Variants in GALNT12 observed in about 807,000 individuals in gnomAD.
The protein encoded by GALNT12 is UDP-GalNAc:polypeptide N-acetylgalactosaminyltransferase 12.
In GALNT12, 45 loss-of-function variants were observed where a neutral mutation model predicts 55.5. That is an observed-to-expected ratio of 0.81 (90% CI 0.64 to 1.04). The LOEUF (loss-of-function observed/expected upper bound fraction) is 1.04. GALNT12 is among the 50% of genes least tolerant of loss of function. The pLI is 0.00. For synonymous variants in GALNT12, 304 were observed against 312.2 expected (o/e 0.97, Z 0.28); for missense variants, 709 against 754.8 (o/e 0.94, Z 0.71).
At position 98,844,341 on chromosome 9, in the gene GALNT12, A is replaced by G. The variant is rs1027057088; in HGVS notation, c.1458+132A>G. The G allele has an allele frequency of 5.9e-6, 4 of 683,162 alleles. No individual in the cohort carries two copies. In the Admixed American group the frequency reaches 7.3e-5, roughly 12 times the overall value. 42.3% of individuals were successfully genotyped at this position (683,162 alleles called of 1,614,324 possible). The stretch of plus-strand genomic sequence containing the variant: ...AAGCCTAGGGTGGCCAGACTCAGAG[A>G]GACCACTGTTAAAATTAAAATGTGT... On this transcript the variant is annotated intron_variant, in intron 8 of 9. Transcript: ENST00000375011.
At position 98,846,009 on chromosome 9, in the gene GALNT12, C is replaced by T. The variant is rs765327993; in HGVS notation, c.1491C>T (p.Arg497=). 19 of 1,614,058 alleles carry T rather than the reference C, an allele frequency of 1.2e-5. No individual in the cohort carries two copies. In the East Asian group the frequency reaches 4.2e-4, roughly 36 times the overall value. ...FFEYTSQKEI[R]YNTHQPEGCI... is the part of the protein sequence containing the mutation. ...AGTACACGTCCCAGAAAGAAATACG[C>T]TATAACACCCACCAGCCTGAGGGCT... Residue 497 remains arginine, a synonymous_variant, in exon 9 of 10, where the codon CGC becomes CGT. Coordinates refer to ENST00000375011, the MANE Select transcript of GALNT12 (RefSeq NM_024642.5).
rs569683788 is a variant in GALNT12 at position 98,829,058 on chromosome 9, A to AACCTC, written c.731+2119_731+2123dup. On this transcript the variant is annotated intron_variant, in intron 3 of 9. Coordinates refer to ENST00000375011, the MANE Select transcript of GALNT12 (RefSeq NM_024642.5). ...TTGGCCAGGCTGGTCTCGAACTCCT[A>AACCTC]ACCTCAGTGATCCACCCACCTCAGC... Among the ~76,000 whole-genome samples the AACCTC allele has an allele frequency of 2.3e-3, 349 of 150,600 alleles. 3 individuals are homozygous for AACCTC. The highest frequency in any genetic ancestry group is 0.017 in the Admixed American group (255 of 15,166).
intron 1 of GALNT12, among the ~76,000 whole-genome samples, chr9:98,809,591 A>G (rs1207324517): frequency 1.3e-5 from 2 of 152,232 alleles, no homozygotes; most frequent in Admixed American, 6.5e-5. Context: ...GTGAGTCTCC[A>G]TGCATTCTAC....
At chr9:98,820,967 A>G (rs974520040) in intron 1 of GALNT12, among the ~76,000 whole-genome samples, 12 of 152,196 alleles carry the variant, frequency 7.9e-5, no homozygotes, top group African/African-American at 2.9e-4. Flanking sequence ...TTAGAGACAC[A>G]TATCGAACTA....
Position 98,849,128 on chromosome 9 carries a change from G to C in GALNT12, c.*36G>C. ...ATCAAGGAGCCCATCGAAGGAGACTGTGGAGCCAGGACTCTGCCCAACAAA... is the reference window on the plus strand; with the variant it reads ...ATCAAGGAGCCCATCGAAGGAGACTCTGGAGCCAGGACTCTGCCCAACAAA... On this transcript the variant is annotated 3_prime_UTR_variant, in exon 10 of 10. Transcript: ENST00000375011. The C allele has an allele frequency of 6.2e-7, 1 of 1,611,996 alleles. No individual in the cohort carries two copies. Among genetic ancestry groups the C allele is most frequent in the Non-Finnish European group, 8.5e-7 (1 of 1,178,336 alleles).
intron 3 of GALNT12, among the ~76,000 whole-genome samples, chr9:98,830,200 T>C (rs1254703696): frequency 6.6e-6 from 1 of 152,134 alleles, no homozygotes; most frequent in African/African-American, 2.4e-5. Flanking sequence ...TTTCAAAAGC[T>C]CCCCAGGGGA....
rs563887200 is a variant in GALNT12 at position 98,845,779 on chromosome 9, C to T, written c.1459-198C>T. Among the ~76,000 whole-genome samples the T allele has an allele frequency of 1.5e-3, 235 of 152,246 alleles. 3 individuals carry two copies. The highest frequency in any genetic ancestry group is 4.8e-3 in the African/African-American group (201 of 41,542). Reference sequence around the variant, plus strand: ...GGCATGGGAAGGGCCATTTCCTCCACGCTCATGAAGCACTGCAGTAGCGGT... The same window carrying T: ...GGCATGGGAAGGGCCATTTCCTCCATGCTCATGAAGCACTGCAGTAGCGGT... On this transcript the variant is annotated intron_variant, in intron 8 of 9. Transcript: ENST00000375011.
rs34942139 is a variant in GALNT12 at position 98,811,683 on chromosome 9, C to CTT, written c.371+3630_371+3631dup. 5.0e-3 allele frequency among the ~76,000 whole-genome samples: 661 copies of CTT among 131,988 alleles called. 12 individuals are homozygous for CTT. Among genetic ancestry groups the CTT allele is most frequent in the African/African-American group, 7.7e-3 (274 of 35,370 alleles). 86.6% of individuals were successfully genotyped at this position (131,988 alleles called of 152,430 possible). A position where few individuals can be genotyped will look rare whatever the true frequency, so the allele number is the denominator to read the frequency against. The stretch of plus-strand genomic sequence containing the variant: ...GATGGCAAAGAGTCTCGAAGTCGTT[C>CTT]TTTTTTTTTTTTTTTTTGAGATGGA... On this transcript the variant is annotated intron_variant, in intron 1 of 9. Transcript: ENST00000375011.
intron 1 of GALNT12, among the ~76,000 whole-genome samples, chr9:98,820,415 A>G (rs533525291): frequency 2.0e-5 from 3 of 152,316 alleles, no homozygotes; most frequent in South Asian, 2.1e-4. Context: ...GTCCTTGCAA[A>G]GGACATAATC....
intron 6 of GALNT12, among the ~76,000 whole-genome samples, chr9:98,838,141 C>T (rs1349503597): frequency 6.6e-6 from 1 of 152,162 alleles, no homozygotes; most frequent in African/African-American, 2.4e-5. Flanking sequence ...GGTCTGTTAC[C>T]TCCCTCTAGA....
intron 1 of GALNT12, among the ~76,000 whole-genome samples, chr9:98,808,983 G>C (rs1425297508): frequency 6.6e-6 from 1 of 152,210 alleles, no homozygotes; most frequent in Non-Finnish European, 1.5e-5. Flanking sequence ...CCTGCCGTGT[G>C]CACCAGGCAC....
rs1835625592 is a variant in GALNT12, at chr9:98,816,911, G to A, written c.372-6345G>A. On this transcript the variant is annotated intron_variant, in intron 1 of 9. Coordinates refer to ENST00000375011, the MANE Select transcript of GALNT12 (RefSeq NM_024642.5). ...CTGATCTCGGCTCACTGCAAGCTCTGCCTTCCGGGTTCATGCCATTCTCCT... is the reference window on the plus strand; with the variant it reads ...CTGATCTCGGCTCACTGCAAGCTCTACCTTCCGGGTTCATGCCATTCTCCT... 3.4e-5 allele frequency among the ~76,000 whole-genome samples: 5 copies of A among 146,476 alleles called. No homozygotes were observed. The Admixed American group carries it at 3.5e-4, about 10-fold the overall frequency.
At chr9:98,825,085 G>A in intron 2 of GALNT12, among the ~76,000 whole-genome samples, 1 of 152,222 alleles carries the variant, frequency 6.6e-6, no homozygotes. Flanking sequence ...AGCATTGAAT[G>A]AGATGAGGAG....
At chr9:98,843,446 G>T (rs899765912) in intron 7 of GALNT12, among the ~76,000 whole-genome samples, 1 of 147,446 alleles carries the variant, frequency 6.8e-6, no homozygotes, top group African/African-American at 2.5e-5. Context: ...TTGCCTTATT[G>T]CCCAGGCTGG....
chr9:98,823,449 G>A (rs779388117), intron 2 of GALNT12, 24 bp downstream of exon 2: 5 of 1,602,810 alleles, frequency 3.1e-6, no homozygotes. Flanking sequence ...AGGGCTCTGG[G>A]AAGAGCCTGT....
intron 2 of GALNT12, among the ~76,000 whole-genome samples, chr9:98,823,672 A>G (rs1835797900): frequency 2.0e-5 from 3 of 152,248 alleles, no homozygotes; most frequent in Admixed American, 2.0e-4. Flanking sequence ...GTGATGTAGG[A>G]GGTGAGGTTG....
At chr9:98,811,683 CT>C (rs34942139) in intron 1 of GALNT12, among the ~76,000 whole-genome samples, 252 of 132,002 alleles carry the variant, frequency 1.9e-3, no homozygotes, top group Middle Eastern at 0.012. Context: ...CGAAGTCGTT[CT>C]TTTTTTTTTT....
At chr9:98,832,946 T>A (rs867258024) in intron 4 of GALNT12, among the ~76,000 whole-genome samples, 1 of 152,180 alleles carries the variant, frequency 6.6e-6, no homozygotes. Flanking sequence ...TCTGCTTGAG[T>A]CCCTGTTTTC....
intron 4 of GALNT12, among the ~76,000 whole-genome samples, chr9:98,834,102 C>T (rs79640959): frequency 0.046 from 6,983 of 151,840 alleles, 234 homozygotes; most frequent in East Asian, 0.15. Context: ...TCAGTGGTTG[C>T]GCTCTCAATG....
Sources: gnomAD v4.1 joint callset for allele counts (sites outside exome capture counted in the v4.1 genomes callset) on GRCh38, gnomAD v4.1.1 for gene constraint, MANE v1.5 for transcripts, NCBI Gene and HGNC (gene_info 2026-07-23, HGNC 2026-07-21) for gene names.